Variants in ATG7 observed in about 807,000 individuals in gnomAD.
ATG7 encodes autophagy related 7, also known as ubiquitin-like modifier-activating enzyme ATG7.
A neutral mutation model predicts 82.4 loss-of-function variants in ATG7; 70 were observed. The observed-to-expected ratio is 0.85, with a 90% CI of 0.70 to 1.04. The LOEUF is 1.04. Among genes scored for constraint, ATG7 ranks in the 50% least tolerant of loss-of-function variants. ATG7 has a pLI of 0.00. For missense variants in ATG7, 792 were observed against 864.3 expected (o/e 0.92, Z 1.05); for synonymous variants, 287 against 313.0 (o/e 0.92, Z 0.88).
intron 20 of ATG7, among the ~76,000 whole-genome samples, chr3:11,486,830 T>TG (rs2089722029): frequency 1.4e-5 from 2 of 141,100 alleles, no homozygotes; most frequent in Non-Finnish European, 1.5e-5. Context: ...GTTTTTTTTT[T>TG]TTTTTTTTTT....
At chr3:11,568,460 G>A in the ATG7 span, 1 of 1,155,642 alleles carries the variant, frequency 8.7e-7, no homozygotes, top group South Asian at 1.5e-5. The surrounding 1 kb of genome is among the most constrained non-coding windows in gnomAD (Gnocchi z 5.9). Context: ...GCAGGGAGAA[G>A]GGGACTTCCA....
intron 20 of ATG7, among the ~76,000 whole-genome samples, chr3:11,429,956 A>AT (rs1451800971): frequency 6.6e-6 from 1 of 151,380 alleles, no homozygotes; most frequent in Non-Finnish European, 1.5e-5. Context: ...AGGAAAAAAA[A>AT]AAAAAAAAAA....
At chr3:11,465,557 C>T (rs2086746879) in intron 20 of ATG7, among the ~76,000 whole-genome samples, 1 of 151,258 alleles carries the variant, frequency 6.6e-6, no homozygotes, top group Non-Finnish European at 1.5e-5. Flanking sequence ...CCAGCCTGGG[C>T]GTGAGTGAAA....
chr3:11,285,170 C>A lies in ATG7; in HGVS notation c.-11+2732C>A, dbSNP rs1375671298. On this transcript the variant is annotated intron_variant, in intron 3 of 20. Coordinates refer to ENST00000693202, the MANE Select transcript of ATG7 (RefSeq NM_001349232.2). ...TTTTTTTTTTTTTTTAAAAGCCCGG[C>A]CTTTTTTTTTTTTTTAAATTCCTTC... Among the ~76,000 whole-genome samples, 3 of 135,724 alleles carry A rather than the reference C, an allele frequency of 2.2e-5. No individual in the cohort carries two copies. In the Admixed American group the frequency reaches 2.3e-4, roughly 10 times the overall value. 89.0% of individuals were successfully genotyped at this position (135,724 alleles called of 152,430 possible).
At chr3:11,440,813 A>C (rs2083866532) in intron 20 of ATG7, among the ~76,000 whole-genome samples, 1 of 149,892 alleles carries the variant, frequency 6.7e-6, no homozygotes, top group Admixed American at 6.7e-5. Context: ...CCTCCCAAGC[A>C]GCTGGGATTA....
intron 13 of ATG7, among the ~76,000 whole-genome samples, chr3:11,343,829 A>T (rs1954055992): frequency 1.3e-5 from 2 of 152,076 alleles, no homozygotes; most frequent in Non-Finnish European, 2.9e-5. Context: ...TGACTCATTG[A>T]TCTATTTTTT....
chr3:11,478,281 C>G (rs904333386), intron 20 of ATG7, among the ~76,000 whole-genome samples: 3 of 152,194 alleles, frequency 2.0e-5, no homozygotes, highest in African/African-American at 7.2e-5. Context: ...GAATCTCTAT[C>G]TCTCTTTTAG....
chr3:11,517,289 C>T (rs771340694), intron 20 of ATG7, among the ~76,000 whole-genome samples: 2 of 150,000 alleles, frequency 1.3e-5, no homozygotes, highest in Non-Finnish European at 3.0e-5. Flanking sequence ...TGCAGTGAGT[C>T]GAGATCGCAT....
intron 20 of ATG7, among the ~76,000 whole-genome samples, chr3:11,504,842 T>G (rs2091597172): frequency 1.3e-5 from 2 of 152,122 alleles, no homozygotes; most frequent in Non-Finnish European, 2.9e-5. Flanking sequence ...CAACACTGGA[T>G]GTAGATCTAA....
rs533672528 is a variant in ATG7, at chr3:11,314,400, T to C, written c.529-944T>C. Among the ~76,000 whole-genome samples, 24 of 83,976 alleles carry C rather than the reference T, an allele frequency of 2.9e-4. No homozygotes were observed. In the East Asian group the frequency reaches 9.7e-3, roughly 34 times the overall value. The allele number at this position is 83,976 out of a possible 152,430, so 55.1% of individuals were successfully genotyped here. ...GGAGCTGTTCAGGGAGCAGCCATTA[T>C]TGATTAAATTTTTTTTGTTGTTGTT... is the stretch of plus-strand genomic sequence containing the variant. On this transcript the variant is annotated intron_variant, in intron 8 of 20. Coordinates refer to ENST00000693202, the MANE Select transcript of ATG7 (RefSeq NM_001349232.2).
At chr3:11,534,123 T>C (rs932804924) in intron 20 of ATG7, among the ~76,000 whole-genome samples, 6 of 152,210 alleles carry the variant, frequency 3.9e-5, no homozygotes, top group Admixed American at 3.3e-4. Flanking sequence ...GGCACAGCCA[T>C]GCCCCTTTGC....
the ATG7 span, among the ~76,000 whole-genome samples, chr3:11,567,892 C>T: frequency 6.6e-6 from 1 of 152,324 alleles, no homozygotes; most frequent in African/African-American, 2.4e-5. Context: ...GATGCTTCCA[C>T]GGGCCACTTC....
intron 20 of ATG7, among the ~76,000 whole-genome samples, chr3:11,499,747 C>CA (rs1166664089): frequency 0.057 from 5,510 of 96,242 alleles, 233 homozygotes; most frequent in African/African-American, 0.12. Context: ...AACTCCATCT[C>CA]AAAAAAAAAA....
chr3:11,537,657 C>G (rs2070436654), intron 20 of ATG7, among the ~76,000 whole-genome samples: 1 of 152,212 alleles, frequency 6.6e-6, no homozygotes, highest in Admixed American at 6.5e-5. Context: ...AGAGGGCTCT[C>G]ACTCCACACT....
At chr3:11,575,993 A>G in the ATG7 span, among the ~76,000 whole-genome samples, 1 of 152,224 alleles carries the variant, frequency 6.6e-6, no homozygotes, top group African/African-American at 2.4e-5. Context: ...GCTCAACTCT[A>G]TGTAAATAAG....
At chr3:11,519,539 GTTTTTTTTTTTTTTTTTTTTTT>G (rs574523805) in intron 20 of ATG7, among the ~76,000 whole-genome samples, 28 of 62,208 alleles carry the variant, frequency 4.5e-4, no homozygotes, top group Admixed American at 1.2e-3. Flanking sequence ...AGTGAGAGGA[GTTTTTTTTTTTTTTTTTTTTTT>G]TTTTTTTTTT....
intron 18 of ATG7, among the ~76,000 whole-genome samples, chr3:11,378,684 C>CAAAAAAAAAAAAAAAAAAAAAA (rs1237070860): frequency 4.3e-5 from 1 of 23,002 alleles, no homozygotes; most frequent in African/African-American, 1.2e-4. Context: ...GACTCCATCT[C>CAAAAAAAAAAAAAAAAAAAAAA]CAAAAAAAAA....
At chr3:11,290,222 G>A (rs573659366) in intron 3 of ATG7, among the ~76,000 whole-genome samples, 1 of 152,306 alleles carries the variant, frequency 6.6e-6, no homozygotes, top group South Asian at 2.1e-4. Context: ...TCCTAGAATT[G>A]TTTCAAATAA....
chr3:11,541,440 T>G (rs1230856854), intron 20 of ATG7, among the ~76,000 whole-genome samples: 1 of 152,216 alleles, frequency 6.6e-6, no homozygotes, highest in Non-Finnish European at 1.5e-5. Flanking sequence ...AGTACCAAAC[T>G]ATCTGCTGCC....
Sources: allele counts gnomAD v4.1 joint callset (sites outside exome capture counted in the v4.1 genomes callset), GRCh38; gene constraint gnomAD v4.1.1; non-coding constraint Gnocchi (gnomAD v3.1); transcripts MANE v1.5; gene names NCBI Gene and HGNC (gene_info 2026-07-23, HGNC 2026-07-21).